The following TMTC2 variants were observed in gnomAD, a reference collection of about 807,000 sequenced individuals.
TMTC2 encodes protein O-mannosyl-transferase TMTC2.
Under a neutral mutation model 82.4 loss-of-function variants are expected in TMTC2, and 43 were observed. The ratio of observed to expected loss-of-function variants is 0.52; its 90% CI spans 0.41 to 0.67. The LOEUF is 0.67. Among genes scored for constraint, TMTC2 ranks in the 30% least tolerant of loss-of-function variants. The pLI, the probability that TMTC2 is intolerant of heterozygous loss-of-function variation, is 0.00. For missense variants in TMTC2, 919 were observed against 1,012.4 expected, an observed-to-expected ratio of 0.91 and a Z score of 1.25; for synonymous variants, 408 against 381.9, an observed-to-expected ratio of 1.07 and a Z score of -0.80.
intron 11 of TMTC2, among the ~76,000 whole-genome samples, chr12:83,092,513 T>TG (rs1883877951): frequency 6.6e-6 from 1 of 152,066 alleles, no homozygotes; most frequent in Admixed American, 6.5e-5. Context: ...CACTAGGAAA[T>TG]ATTGCATCTA....
chr12:82,690,778 C>G (rs905794288), intron 1 of TMTC2, among the ~76,000 whole-genome samples: 3 of 152,078 alleles, frequency 2.0e-5, no homozygotes, highest in Non-Finnish European at 4.4e-5. Flanking sequence ...AATATGCAGT[C>G]TTTGCCAAAT....
intron 1 of TMTC2, among the ~76,000 whole-genome samples, chr12:82,709,309 G>T (rs2136910344): frequency 6.6e-6 from 1 of 152,270 alleles, no homozygotes; most frequent in African/African-American, 2.4e-5. Flanking sequence ...CTAGAAATGT[G>T]AATTTTACAA....
chr12:82,755,036 A>G (rs1421069713), intron 1 of TMTC2, among the ~76,000 whole-genome samples: 3 of 152,232 alleles, frequency 2.0e-5, no homozygotes, highest in South Asian at 2.1e-4. Context: ...AGAGATTACA[A>G]TCAAAGTTCA....
intron 8 of TMTC2, among the ~76,000 whole-genome samples, chr12:82,988,984 T>A (rs1879290766): frequency 6.6e-6 from 1 of 150,690 alleles, no homozygotes; most frequent in African/African-American, 2.4e-5. Context: ...AGACTGGAAC[T>A]AAAACAAATT....
chr12:83,051,112 C>A, intron 10 of TMTC2, 94 bp downstream of exon 10: 1 of 762,954 alleles, frequency 1.3e-6, no homozygotes. Context: ...TCCACATTCT[C>A]AATGTGAGTC....
chr12:83,033,083 T>A (rs564544778), intron 9 of TMTC2, among the ~76,000 whole-genome samples: 2 of 152,298 alleles, frequency 1.3e-5, no homozygotes, highest in South Asian at 4.1e-4. Flanking sequence ...TTTATAAGTT[T>A]CAATATTTTC....
intron 1 of TMTC2, among the ~76,000 whole-genome samples, chr12:82,748,903 C>T (rs962254918): frequency 1.3e-5 from 2 of 152,156 alleles, no homozygotes; most frequent in Non-Finnish European, 2.9e-5. Flanking sequence ...CATACACACA[C>T]ACGTATGTAT....
chr12:82,938,645 G>T (rs1876542078), intron 4 of TMTC2, among the ~76,000 whole-genome samples: 1 of 152,122 alleles, frequency 6.6e-6, no homozygotes, highest in African/African-American at 2.4e-5. Context: ...AACTCAGCCG[G>T]CCCTTTACTA....
chr12:82,894,284 TGA>T (rs1873544368), intron 2 of TMTC2, among the ~76,000 whole-genome samples: 1 of 152,154 alleles, frequency 6.6e-6, no homozygotes. Context: ...TGAACCTTGT[TGA>T]GGATCATTAG....
At chr12:82,721,876 G>T (rs1325286802) in intron 1 of TMTC2, among the ~76,000 whole-genome samples, 1 of 152,084 alleles carries the variant, frequency 6.6e-6, no homozygotes, top group Non-Finnish European at 1.5e-5. Context: ...TATAAATAGG[G>T]CAAGCAATAT....
intron 3 of TMTC2, among the ~76,000 whole-genome samples, chr12:82,922,594 T>A (rs1875460230): frequency 6.6e-6 from 1 of 152,160 alleles, no homozygotes. Flanking sequence ...AATCCCCTTT[T>A]ATCTGTATTC....
chr12:83,113,940 G>C (rs7303402), intron 11 of TMTC2, among the ~76,000 whole-genome samples: 38,692 of 152,100 alleles, frequency 0.25, 5,375 homozygotes, highest in East Asian at 0.42. Context: ...TTCACTCAGT[G>C]AAACATACTT....
intron 1 of TMTC2, among the ~76,000 whole-genome samples, chr12:82,787,998 G>A (rs1878265690): frequency 1.3e-5 from 2 of 152,056 alleles, no homozygotes; most frequent in Admixed American, 6.6e-5. Flanking sequence ...ACTTCATCTT[G>A]AGAATGTATG....
At chr12:82,767,165 T>C (rs1476027495) in intron 1 of TMTC2, among the ~76,000 whole-genome samples, 1 of 152,240 alleles carries the variant, frequency 6.6e-6, no homozygotes, top group East Asian at 1.9e-4. Flanking sequence ...AATTCTTGAA[T>C]TACAGTATTG....
chr12:82,820,624 C>G (rs1424040771), intron 1 of TMTC2, among the ~76,000 whole-genome samples: 1 of 152,178 alleles, frequency 6.6e-6, no homozygotes. Context: ...ATCTGCCTGC[C>G]TCAGCCTCCC....
chr12:82,804,660 A>C (rs1879161304), intron 1 of TMTC2, among the ~76,000 whole-genome samples: 1 of 152,124 alleles, frequency 6.6e-6, no homozygotes, highest in Non-Finnish European at 1.5e-5. Context: ...ATAGCAATTT[A>C]AAATTGACAT....
At chr12:82,776,176 G>A (rs1051488663) in intron 1 of TMTC2, among the ~76,000 whole-genome samples, 1 of 151,996 alleles carries the variant, frequency 6.6e-6, no homozygotes. Context: ...ATTCACGTTA[G>A]CATTTTTTGA....
intron 2 of TMTC2, among the ~76,000 whole-genome samples, chr12:82,868,506 T>C (rs972401188): frequency 2.0e-5 from 3 of 152,212 alleles, no homozygotes; most frequent in Admixed American, 1.3e-4. Context: ...TCTCATACTT[T>C]CAGAGCCTGC....
intron 2 of TMTC2, among the ~76,000 whole-genome samples, chr12:82,859,905 C>T (rs940241657): frequency 6.6e-6 from 1 of 152,158 alleles, no homozygotes; most frequent in East Asian, 1.9e-4. Flanking sequence ...CTCTTTCTGT[C>T]ATTCTTAGGT....
Sources: allele counts gnomAD v4.1 joint callset (sites outside exome capture counted in the v4.1 genomes callset), GRCh38; gene constraint gnomAD v4.1.1; transcripts MANE v1.5; gene names NCBI Gene and HGNC (gene_info 2026-07-23, HGNC 2026-07-21).